The following CACNA2D3 variants were observed in gnomAD, a reference collection of about 807,000 sequenced individuals.
The protein encoded by CACNA2D3 is voltage-dependent calcium channel subunit alpha-2/delta-3.
In CACNA2D3, 60 loss-of-function variants were observed where a neutral mutation model predicts 160.6. The ratio of observed to expected loss-of-function variants is 0.37; its 90% CI spans 0.30 to 0.46. CACNA2D3 has a LOEUF of 0.46. Ranked by LOEUF, CACNA2D3 falls within the 20% of genes least tolerant of loss-of-function variation. The pLI is 1.00. For synonymous variants in CACNA2D3, 558 were observed against 492.9 expected, an observed-to-expected ratio of 1.13 and a Z score of -1.75; for missense variants, 1,205 against 1,365.0, an observed-to-expected ratio of 0.88 and a Z score of 1.85.
At chr3:54,827,055 T>TGCTAC (rs148412147) in intron 14 of CACNA2D3, among the ~76,000 whole-genome samples, 1,719 of 152,336 alleles carry the variant, frequency 0.011, 34 homozygotes, top group African/African-American at 0.039. Flanking sequence ...CAACCTCCTT[T>TGCTAC]GCTACACTTC....
chr3:54,586,628 G>A (rs867289594), intron 9 of CACNA2D3, among the ~76,000 whole-genome samples: 17 of 152,252 alleles, frequency 1.1e-4, no homozygotes, highest in African/African-American at 2.2e-4. Flanking sequence ...TGTACAAAAA[G>A]TCAGCAAGGA....
chr3:54,204,427 A>T (rs945805874), intron 2 of CACNA2D3, among the ~76,000 whole-genome samples: 1 of 152,184 alleles, frequency 6.6e-6, no homozygotes, highest in Non-Finnish European at 1.5e-5. Flanking sequence ...AACATCAAGG[A>T]TAACCAGACC....
chr3:55,021,414 C>T (rs1703442412), intron 35 of CACNA2D3, among the ~76,000 whole-genome samples: 1 of 151,612 alleles, frequency 6.6e-6, no homozygotes, highest in African/African-American at 2.4e-5. Context: ...CCTCTCTCTC[C>T]CTTTCCATAC....
intron 9 of CACNA2D3, among the ~76,000 whole-genome samples, chr3:54,610,298 T>G (rs1698725932): frequency 6.6e-6 from 1 of 152,250 alleles, no homozygotes; most frequent in African/African-American, 2.4e-5. Flanking sequence ...CCAAGTACTT[T>G]GCAATGATTG....
chr3:54,734,911 A>G (rs1701466766), intron 11 of CACNA2D3, among the ~76,000 whole-genome samples: 1 of 152,248 alleles, frequency 6.6e-6, no homozygotes, highest in South Asian at 2.1e-4. Context: ...AGAAAAGACT[A>G]TCAGAAATTG....
At chr3:54,636,311 A>C (rs1048459799) in intron 10 of CACNA2D3, among the ~76,000 whole-genome samples, 9 of 151,984 alleles carry the variant, frequency 5.9e-5, no homozygotes, top group African/African-American at 2.2e-4. Context: ...TATCAGGTGG[A>C]TCAGAGAGAC....
intron 35 of CACNA2D3, among the ~76,000 whole-genome samples, chr3:55,033,452 A>C (rs1363878277): frequency 2.0e-5 from 3 of 151,594 alleles, no homozygotes; most frequent in Admixed American, 6.6e-5. Context: ...GCTTATGCAC[A>C]TACAGGCGCT....
At chr3:54,299,480 C>T (rs918502400) in intron 2 of CACNA2D3, among the ~76,000 whole-genome samples, 2 of 152,166 alleles carry the variant, frequency 1.3e-5, no homozygotes, top group African/African-American at 4.8e-5. Flanking sequence ...CCAGTCTTTT[C>T]CTTTTTCTCT....
At chr3:54,378,649 T>C (rs1024399856) in intron 3 of CACNA2D3, among the ~76,000 whole-genome samples, 3 of 152,242 alleles carry the variant, frequency 2.0e-5, no homozygotes, top group Non-Finnish European at 4.4e-5. Context: ...AGCCTTGATT[T>C]TGATAATCAA....
chr3:54,531,689 A>G (rs1286050392), intron 5 of CACNA2D3, among the ~76,000 whole-genome samples: 1 of 152,216 alleles, frequency 6.6e-6, no homozygotes, highest in East Asian at 1.9e-4. Flanking sequence ...GTCGGAAGTC[A>G]TCATTCCAAG....
At chr3:54,764,442 A>AT (rs1702180331) in intron 13 of CACNA2D3, 91 bp downstream of exon 13, 1 of 1,470,554 alleles carries the variant, frequency 6.8e-7, no homozygotes, top group East Asian at 2.3e-5. Context: ...TATCACTCTT[A>AT]TTTTTTGTGT....
intron 14 of CACNA2D3, among the ~76,000 whole-genome samples, chr3:54,819,114 A>G (rs757616870): frequency 8.6e-5 from 13 of 151,988 alleles, no homozygotes; most frequent in Non-Finnish European, 1.5e-4. Context: ...TGCCAGAAGA[A>G]TGAGGTTCTT....
intron 2 of CACNA2D3, among the ~76,000 whole-genome samples, chr3:54,279,562 T>C (rs1702822798): frequency 6.6e-6 from 1 of 152,296 alleles, no homozygotes; most frequent in South Asian, 2.1e-4. Flanking sequence ...AAATGCCTTG[T>C]CTCCTTGTGG....
intron 2 of CACNA2D3, among the ~76,000 whole-genome samples, chr3:54,245,930 A>G (rs1476359494): frequency 6.6e-6 from 1 of 152,230 alleles, no homozygotes; most frequent in Admixed American, 6.5e-5. Flanking sequence ...GTTCCAAGCA[A>G]TCTGCCCACT....
intron 11 of CACNA2D3, among the ~76,000 whole-genome samples, chr3:54,751,696 A>G (rs1559569059): frequency 6.6e-6 from 1 of 152,196 alleles, no homozygotes; most frequent in Non-Finnish European, 1.5e-5. Flanking sequence ...CTGGAAGGAC[A>G]TCACCTGGTA....
intron 3 of CACNA2D3, among the ~76,000 whole-genome samples, chr3:54,324,251 T>A (rs1448082709): frequency 6.6e-6 from 1 of 152,218 alleles, no homozygotes; most frequent in Non-Finnish European, 1.5e-5. Flanking sequence ...CAGTGATTAG[T>A]TGAATCAGAG....
At chr3:54,209,619 A>G (rs4643737) in intron 2 of CACNA2D3, among the ~76,000 whole-genome samples, 53,171 of 152,168 alleles carry the variant, frequency 0.35, 10,619 homozygotes, top group Admixed American at 0.43. Flanking sequence ...GAAGAAAGAC[A>G]GGAGCCGTAG....
chr3:54,529,370 C>T (rs1462805979), intron 5 of CACNA2D3, among the ~76,000 whole-genome samples: 1 of 152,168 alleles, frequency 6.6e-6, no homozygotes, highest in Non-Finnish European at 1.5e-5. Flanking sequence ...AGCCTGTATG[C>T]CTCGGACAAG....
intron 4 of CACNA2D3, among the ~76,000 whole-genome samples, chr3:54,450,154 C>A (rs1223976247): frequency 2.0e-5 from 3 of 152,240 alleles, no homozygotes; most frequent in South Asian, 4.2e-4. Context: ...TTTCCTAGGA[C>A]CTTCATAACA....
Sources: gnomAD v4.1 joint callset for allele counts (sites outside exome capture counted in the v4.1 genomes callset) on GRCh38, gnomAD v4.1.1 for gene constraint, MANE v1.5 for transcripts, NCBI Gene and HGNC (gene_info 2026-07-23, HGNC 2026-07-21) for gene names.